DDX60: variants seen among roughly 807,000 people sequenced by gnomAD.
DDX60 encodes the protein DExD/H-box helicase 60.
DDX60 carries 165 observed loss-of-function variants against 212.8 expected under a neutral mutation model. The observed-to-expected ratio is 0.78, with a 90% CI of 0.68 to 0.88. The LOEUF is 0.88. DDX60 is among the 40% of genes least tolerant of loss of function. The pLI, the probability that DDX60 is intolerant of heterozygous loss-of-function variation, is 0.00. For synonymous variants in DDX60, 703 were observed against 685.3 expected (o/e 1.03, Z -0.40); for missense variants, 1,905 against 2,003.9 (o/e 0.95, Z 0.94).
intron 22 of DDX60, among the ~76,000 whole-genome samples, chr4:168,263,176 T>G (rs1167447303): frequency 6.6e-6 from 1 of 152,158 alleles, no homozygotes; most frequent in East Asian, 1.9e-4. Context: ...TACTTTTATG[T>G]GTACCAAGCC....
intron 19 of DDX60, among the ~76,000 whole-genome samples, chr4:168,270,197 T>C (rs912411397): frequency 7.9e-5 from 12 of 152,308 alleles, no homozygotes; most frequent in African/African-American, 2.9e-4. Context: ...GAGGAGGCAC[T>C]CCTTAAATAT....
intron 18 of DDX60, 41 bp downstream of exon 18, chr4:168,273,238 T>C: frequency 1.3e-6 from 2 of 1,588,826 alleles, no homozygotes; most frequent in Non-Finnish European, 1.7e-6. Flanking sequence ...CAAGTACAGT[T>C]ATATAATTTG....
chr4:168,260,680 A>T (rs1579011559), intron 25 of DDX60, among the ~76,000 whole-genome samples, 185 bp downstream of exon 25: 1 of 152,314 alleles, frequency 6.6e-6, no homozygotes, highest in South Asian at 2.1e-4. Flanking sequence ...TTGATCTGAC[A>T]GGAAGTGGAG....
At position 168,274,052 on chromosome 4, in the gene DDX60, T is replaced by C; in HGVS notation, c.2336A>G (p.Glu779Gly). 1 of 1,614,214 alleles carries C rather than the reference T, an allele frequency of 6.2e-7. No individual in the cohort carries two copies. The change falls in exon 17 of 38, where the codon GAG (glutamate) becomes GGG (glycine). Residue 779 changes from glutamate to glycine, a missense_variant. By Grantham distance (98) the Glu-to-Gly change is moderately conservative. Coordinates refer to ENST00000393743, the MANE Select transcript of DDX60 (RefSeq NM_017631.6). ...RELLDVVDKN[E>G]SAVIVAPTSS... Reference sequence around the variant, plus strand: ...CGTTGGGGCAACAATCACTGCTGACTCATTCTTATCCACAACATCAAGGAG... The same window carrying C: ...CGTTGGGGCAACAATCACTGCTGACCCATTCTTATCCACAACATCAAGGAG...
rs1737122690 is a variant in DDX60 at position 168,311,276 on chromosome 4, GC to G, written c.-18del. 6.2e-7 allele frequency: 1 copy of G among 1,612,234 alleles called. No homozygotes were observed. The highest frequency in any genetic ancestry group is 1.3e-5 in the African/African-American group (1 of 74,816). ...ATTACCCATTCTTGCTGCTGCCTGTGCCTCCAACCTGAACTGGCAAGTATTA... is the reference window on the plus strand; with the variant it reads ...ATTACCCATTCTTGCTGCTGCCTGTGCTCCAACCTGAACTGGCAAGTATTA... On this transcript the variant is annotated 5_prime_UTR_variant, in exon 2 of 38. Coordinates refer to ENST00000393743, the MANE Select transcript of DDX60 (RefSeq NM_017631.6).
chr4:168,242,194 G>A (rs1040973984), intron 30 of DDX60, among the ~76,000 whole-genome samples: 5 of 152,212 alleles, frequency 3.3e-5, no homozygotes, highest in African/African-American at 1.2e-4. Flanking sequence ...TTGCTGCAGA[G>A]ATGGGGCCCT....
chr4:168,292,125 A>G (rs525169), intron 7 of DDX60, among the ~76,000 whole-genome samples: 63,121 of 147,814 alleles, frequency 0.43, 14,244 homozygotes, highest in African/African-American at 0.6. Flanking sequence ...CTCAGCTCAC[A>G]GCAACCTCCA....
intron 4 of DDX60, among the ~76,000 whole-genome samples, chr4:168,307,434 C>T (rs1008101033): frequency 6.6e-6 from 1 of 151,750 alleles, no homozygotes; most frequent in African/African-American, 2.4e-5. Flanking sequence ...TCAAACAAAC[C>T]ATCATAAAAC....
In DDX60 at chr4:168,280,731, T is replaced by C. The variant is rs1735558355; in HGVS notation, c.1723-141A>G. 1.0e-5 allele frequency: 10 copies of C among 966,330 alleles called. 1 individual carries two copies. In the South Asian group the frequency reaches 1.5e-4, roughly 14 times the overall value. The allele number at this position is 966,330 out of a possible 1,614,324, so 59.9% of individuals were successfully genotyped here. A position where few individuals can be genotyped will look rare whatever the true frequency, so the allele number is the denominator to read the frequency against. ...AGTAGATGTGAAAAATTTCTTTTTT[T>C]CTTTTGGAAATTAAGCCTCTGTTAA... is the stretch of plus-strand genomic sequence containing the variant. On this transcript the variant is annotated intron_variant, in intron 13 of 37. Coordinates refer to ENST00000393743, the MANE Select transcript of DDX60 (RefSeq NM_017631.6).
At chr4:168,316,849 G>A (rs1280867180) in intron 1 of DDX60, among the ~76,000 whole-genome samples, 1 of 151,826 alleles carries the variant, frequency 6.6e-6, no homozygotes, top group Non-Finnish European at 1.5e-5. Context: ...CCTGAGGTCG[G>A]GAGTTCGAGA....
chr4:168,226,000 C>T (rs1248567393), intron 33 of DDX60, among the ~76,000 whole-genome samples: 3 of 152,050 alleles, frequency 2.0e-5, no homozygotes, highest in Non-Finnish European at 4.4e-5. Context: ...TCTAGTGACA[C>T]ATTTGAATAG....
intron 14 of DDX60, among the ~76,000 whole-genome samples, chr4:168,277,423 G>A (rs1274414675): frequency 6.6e-6 from 1 of 152,134 alleles, no homozygotes; most frequent in Admixed American, 6.6e-5. Context: ...GCTTATGGAT[G>A]TGCTATATAT....
intron 20 of DDX60, 24 bp from the exon 21 acceptor site, chr4:168,268,007 A>T (rs767649102): frequency 3.1e-6 from 5 of 1,588,700 alleles, no homozygotes; most frequent in Non-Finnish European, 4.3e-6. Context: ...TGTACATATT[A>T]TTTAGGCAGA....
At chr4:168,281,720 A>G (rs1282832094) in intron 13 of DDX60, among the ~76,000 whole-genome samples, 1 of 152,212 alleles carries the variant, frequency 6.6e-6, no homozygotes, top group African/African-American at 2.4e-5. Context: ...CACATTTTCC[A>G]CACTTCTGGT....
At chr4:168,277,808 CA>C (rs1167471158) in intron 14 of DDX60, among the ~76,000 whole-genome samples, 193 of 55,612 alleles carry the variant, frequency 3.5e-3, no homozygotes, top group Middle Eastern at 0.01. Flanking sequence ...GACTCCATCT[CA>C]AAAAAAAAAA....
At chr4:168,244,994 A>T (rs1406208402) in intron 30 of DDX60, among the ~76,000 whole-genome samples, 1 of 152,170 alleles carries the variant, frequency 6.6e-6, no homozygotes, top group Non-Finnish European at 1.5e-5. Context: ...CAATTCAAGG[A>T]TCTCTTCTTC....
intron 33 of DDX60, among the ~76,000 whole-genome samples, chr4:168,228,290 G>A (rs887848194): frequency 3.3e-5 from 5 of 152,060 alleles, no homozygotes; most frequent in Admixed American, 1.3e-4. Flanking sequence ...AAATGTCATT[G>A]TGTGGCACAT....
At chr4:168,261,974 T>A in intron 24 of DDX60, 26 bp downstream of exon 24, 3 of 1,569,638 alleles carry the variant, frequency 1.9e-6, no homozygotes, top group Non-Finnish European at 1.7e-6. Context: ...AAAATAAAGT[T>A]TGGCCAAAAA....
rs1560853226 is a variant in DDX60, at chr4:168,280,473, C to A, written c.1840G>T (p.Glu614Ter). The A allele has an allele frequency of 6.2e-7, 1 of 1,614,126 alleles. No homozygotes were observed. Among genetic ancestry groups the A allele is most frequent in the East Asian group, 2.2e-5 (1 of 44,866 alleles). Reference protein sequence around the residue: ...LSFSIEEQLKENLHSGIKSLE... With the variant: ...LSFSIEEQLK The stretch of plus-strand genomic sequence containing the variant: ...CTCTTTATTCCAGAGTGTAAATTTT[C>A]TTTCAATTGCTCTTCAATAGAAAAT... Residue 614 changes from glutamate to a stop codon, truncating the protein, a stop_gained, in exon 14 of 38, where the codon GAA (glutamate) becomes TAA (stop). Coordinates refer to ENST00000393743, the MANE Select transcript of DDX60 (RefSeq NM_017631.6). LOFTEE classifies it high-confidence loss of function.
Sources: allele counts gnomAD v4.1 joint callset (sites outside exome capture counted in the v4.1 genomes callset), GRCh38; gene constraint gnomAD v4.1.1; transcripts MANE v1.5; gene names NCBI Gene and HGNC (gene_info 2026-07-23, HGNC 2026-07-21).